The following WDR7 variants were observed in gnomAD, a reference collection of about 807,000 sequenced individuals.
The protein encoded by WDR7 is WD repeat domain 7.
A neutral mutation model predicts 169.4 loss-of-function variants in WDR7; 46 were observed. The ratio of observed to expected loss-of-function variants is 0.27; its 90% CI spans 0.21 to 0.35. The LOEUF (loss-of-function observed/expected upper bound fraction) is 0.35, where lower values mean the gene tolerates loss of function less well. WDR7 is among the 10% of genes least tolerant of loss of function. The pLI is 1.00. For synonymous variants in WDR7, 612 were observed against 666.8 expected (o/e 0.92, Z 1.27); for missense variants, 1,534 against 1,859.3 (o/e 0.83, Z 3.22).
In WDR7 at chr18:56,756,618, G is replaced by GGTTC. The variant is rs1568177194; in HGVS notation, c.2026_2029dup (p.Gln677ArgfsTer19). On this transcript the variant is annotated frameshift_variant, in exon 15 of 28. Transcript: ENST00000254442. LOFTEE classifies it high-confidence loss of function. ...CTAAATATTCTCATAACTCCCTGAT[G>GGTTC]GTTCAAGCAATAAAGACAAACCTAA... The GGTTC allele has an allele frequency of 6.2e-7, 1 of 1,610,838 alleles. No individual in the cohort carries two copies. The highest frequency in any genetic ancestry group is 1.1e-5 in the South Asian group (1 of 90,112).
chr18:56,675,717 C>T (rs929867481), intron 2 of WDR7, among the ~76,000 whole-genome samples: 2 of 151,778 alleles, frequency 1.3e-5, no homozygotes, highest in Non-Finnish European at 2.9e-5. Context: ...CCTAATGTTC[C>T]TGGATGGCAC....
chr18:56,965,506 A>T lies in WDR7; in HGVS notation c.4164+2977A>T, dbSNP rs117177064. On this transcript the variant is annotated intron_variant, in intron 26 of 27. Transcript: ENST00000254442. ...CAAACAGATTATGCAAAACCACAGG[A>T]TAAGTATGGCATGTTGGCCTGAAAT... 8.6e-3 allele frequency among the ~76,000 whole-genome samples: 1,300 copies of T among 150,664 alleles called. 10 individuals carry two copies. Among genetic ancestry groups the T allele is most frequent in the Middle Eastern group, 0.014 (4 of 292 alleles).
intron 2 of WDR7, 39 bp from the exon 3 acceptor site, chr18:56,679,292 TA>T: frequency 1.3e-6 from 2 of 1,535,536 alleles, no homozygotes; most frequent in East Asian, 4.5e-5. Flanking sequence ...GGTTAATTTT[TA>T]AGTTTGGTAC....
rs536823884 is a variant in WDR7 at position 56,923,492 on chromosome 18, C to T, written c.3527-430C>T. 1.1e-4 allele frequency among the ~76,000 whole-genome samples: 17 copies of T among 152,272 alleles called. No individual in the cohort carries two copies. In the South Asian group the frequency reaches 2.3e-3, roughly 20 times the overall value. On this transcript the variant is annotated intron_variant, in intron 21 of 27. Coordinates refer to ENST00000254442, the MANE Select transcript of WDR7 (RefSeq NM_015285.3). ...ACATTCTCCATCCTTCATTGCAACG[C>T]GCCTGTAATGAGAGGTGTTACTGAG...
intron 21 of WDR7, among the ~76,000 whole-genome samples, chr18:56,894,183 C>T (rs1012298001): frequency 1.3e-5 from 2 of 151,996 alleles, no homozygotes; most frequent in African/African-American, 4.8e-5. Flanking sequence ...TTCATTCTTA[C>T]CCGGGTTCCT....
chr18:56,737,769 G>A (rs994528296), intron 14 of WDR7, among the ~76,000 whole-genome samples: 4 of 152,186 alleles, frequency 2.6e-5, no homozygotes, highest in African/African-American at 9.6e-5. Context: ...AAAGGGCACT[G>A]TAAGGTACAG....
chr18:57,007,165 G>C (rs1207758038), intron 26 of WDR7, among the ~76,000 whole-genome samples: 3 of 152,052 alleles, frequency 2.0e-5, no homozygotes, highest in Non-Finnish European at 4.4e-5. Context: ...ATTTTTAGTA[G>C]AGACGGGGTT....
At chr18:56,762,741 T>A (rs952453445) in intron 16 of WDR7, among the ~76,000 whole-genome samples, 2 of 152,074 alleles carry the variant, frequency 1.3e-5, no homozygotes, top group Non-Finnish European at 2.9e-5. Flanking sequence ...TTTTCCCCAC[T>A]TCCTTAAATT....
intron 21 of WDR7, among the ~76,000 whole-genome samples, chr18:56,883,513 T>G (rs1304049816): frequency 6.6e-6 from 1 of 151,966 alleles, no homozygotes; most frequent in African/African-American, 2.4e-5. Context: ...TTTTGTTTTT[T>G]TTTTTTAAAT....
intron 27 of WDR7, among the ~76,000 whole-genome samples, chr18:57,024,849 C>G (rs1252478937): frequency 3.0e-5 from 3 of 99,256 alleles, no homozygotes; most frequent in Admixed American, 1.7e-4. Context: ...AGTTATGTCC[C>G]TTACAGGATT....
intron 20 of WDR7, among the ~76,000 whole-genome samples, chr18:56,878,343 G>C (rs75163940): frequency 6.6e-6 from 1 of 151,816 alleles, no homozygotes; most frequent in African/African-American, 2.4e-5. Context: ...TCTCCTCCTC[G>C]TATGGCCCAT....
At chr18:56,918,400 A>G (rs1206162412) in intron 21 of WDR7, among the ~76,000 whole-genome samples, 1 of 152,214 alleles carries the variant, frequency 6.6e-6, no homozygotes, top group Non-Finnish European at 1.5e-5. Flanking sequence ...TTCCCCCAGG[A>G]TAGTAAATTT....
intron 21 of WDR7, among the ~76,000 whole-genome samples, chr18:56,886,626 G>A (rs7242732): frequency 0.84 from 128,159 of 152,096 alleles, 54,133 homozygotes; most frequent in East Asian, 0.98. Flanking sequence ...TCATATCTCA[G>A]TACTAACATT....
chr18:56,727,626 A>G (rs1598995036), intron 13 of WDR7, among the ~76,000 whole-genome samples: 1 of 152,186 alleles, frequency 6.6e-6, no homozygotes, highest in Non-Finnish European at 1.5e-5. Flanking sequence ...AACTGTCTCC[A>G]TGATTCAATT....
chr18:56,864,488 A>G (rs1016943236), intron 20 of WDR7, among the ~76,000 whole-genome samples: 2 of 151,724 alleles, frequency 1.3e-5, no homozygotes, highest in Non-Finnish European at 3.0e-5. Context: ...ATTAACTTGA[A>G]ATGGAGAGGA....
Position 56,672,208 on chromosome 18 carries a change from T to A in WDR7, c.-19-289T>A, listed in dbSNP as rs1002109081. Reference sequence around the variant, plus strand: ...GGTACTGAAGTCATTGGCCTTTTATTAGTAAATTTTAAAAACTGTGAATGC... The same window carrying A: ...GGTACTGAAGTCATTGGCCTTTTATAAGTAAATTTTAAAAACTGTGAATGC... On this transcript the variant is annotated intron_variant, in intron 1 of 27. Coordinates refer to ENST00000254442, the MANE Select transcript of WDR7 (RefSeq NM_015285.3). 3.9e-5 allele frequency among the ~76,000 whole-genome samples: 6 copies of A among 152,316 alleles called. No homozygotes were observed. In the South Asian group the frequency reaches 1.0e-3, roughly 26 times the overall value.
intron 19 of WDR7, among the ~76,000 whole-genome samples, chr18:56,788,242 C>T (rs1001865770): frequency 6.6e-6 from 1 of 152,168 alleles, no homozygotes; most frequent in African/African-American, 2.4e-5. Context: ...CCACCACTTG[C>T]TTATTGAAGA....
intron 1 of WDR7, among the ~76,000 whole-genome samples, chr18:56,654,174 C>A (rs1175319775): frequency 6.6e-6 from 1 of 151,952 alleles, no homozygotes; most frequent in East Asian, 1.9e-4. Context: ...TCACTCTTGC[C>A]AGGGTGGAGT....
intron 14 of WDR7, among the ~76,000 whole-genome samples, chr18:56,735,563 A>G (rs1236994791): frequency 6.6e-6 from 1 of 152,160 alleles, no homozygotes; most frequent in Non-Finnish European, 1.5e-5. Context: ...GCCTGCTGTC[A>G]TTTGATTTTT....
Sources: gnomAD v4.1 joint callset for allele counts (sites outside exome capture counted in the v4.1 genomes callset) on GRCh38, gnomAD v4.1.1 for gene constraint, MANE v1.5 for transcripts, NCBI Gene and HGNC (gene_info 2026-07-23, HGNC 2026-07-21) for gene names.